CLINT1: variants seen among roughly 807,000 people sequenced by gnomAD.
CLINT1 encodes clathrin interactor 1.
Under a neutral mutation model 70.4 loss-of-function variants are expected in CLINT1, and 15 were observed. The observed-to-expected ratio is 0.21, with a 90% CI of 0.14 to 0.33. The LOEUF is 0.33. CLINT1 is among the 10% of genes least tolerant of loss of function. The probability of loss-of-function intolerance (pLI) is 1.00; values close to 1 mark genes in which losing one functional copy is unlikely to be tolerated. For missense variants in CLINT1, 615 were observed against 778.1 expected, an observed-to-expected ratio of 0.79 and a Z score of 2.49; for synonymous variants, 227 against 254.7, an observed-to-expected ratio of 0.89 and a Z score of 1.04.
At chr5:157,800,517 T>C (rs1581483095) in intron 8 of CLINT1, among the ~76,000 whole-genome samples, 3 of 152,114 alleles carry the variant, frequency 2.0e-5, no homozygotes, top group Admixed American at 2.0e-4. Flanking sequence ...AATATTTAAA[T>C]AGAGATTGGG....
In CLINT1 at chr5:157,809,711, C is replaced by G. The variant is rs73310973; in HGVS notation, c.612G>C (p.Leu204=). ...AFPFSDKLGE[L]SDKIGSTIDD... is the part of the protein sequence containing the mutation. ...CAATTGTGCTTCCAATTTTATCACT[C>G]AGCTCACCTAATTTATCACTGAATG... Residue 204 remains leucine, a synonymous_variant, in exon 6 of 12, where the codon CTG becomes CTC. Coordinates refer to ENST00000411809, the MANE Select transcript of CLINT1 (RefSeq NM_014666.4). 5.4e-3 allele frequency: 8,688 copies of G among 1,613,332 alleles called. 401 individuals are homozygous for G. The African/African-American group carries it at 0.1, about 19-fold the overall frequency.
chr5:157,799,550 C>T (rs529825330), intron 8 of CLINT1, among the ~76,000 whole-genome samples: 9 of 151,934 alleles, frequency 5.9e-5, no homozygotes, highest in Non-Finnish European at 1.3e-4. Context: ...TCTAGTTTAA[C>T]AGTATGTTAA....
chr5:157,810,761 G>A (rs909344690), intron 5 of CLINT1, among the ~76,000 whole-genome samples: 1 of 152,156 alleles, frequency 6.6e-6, no homozygotes, highest in Non-Finnish European at 1.5e-5. Flanking sequence ...ATTAAGGCAG[G>A]TTGGAAGAAA....
rs1581490274 is a variant in CLINT1 at position 157,805,795 on chromosome 5, A to C, written c.942+71T>G. 7.7e-6 allele frequency: 12 copies of C among 1,565,558 alleles called. 1 individual carries two copies. ...TTGCCTAGAAATGCCCAAGCCTACT[A>C]ATGCAGGAATTCGAAGAGCGGTTTA... On this transcript the variant is annotated intron_variant, in intron 7 of 11. Transcript: ENST00000411809.
chr5:157,837,231 G>A (rs774082125), intron 1 of CLINT1, among the ~76,000 whole-genome samples: 1 of 152,248 alleles, frequency 6.6e-6, no homozygotes, highest in Admixed American at 6.5e-5. Flanking sequence ...GAGAGACCCT[G>A]CCTCTACAAA....
intron 1 of CLINT1, among the ~76,000 whole-genome samples, chr5:157,836,739 ACTTT>A (rs1251567397): frequency 6.6e-6 from 1 of 152,160 alleles, no homozygotes; most frequent in African/African-American, 2.4e-5. Context: ...CTCCTGGAAC[ACTTT>A]CTTTCACTTT....
chr5:157,812,385 C>A (rs913716542), intron 5 of CLINT1, among the ~76,000 whole-genome samples: 1 of 152,106 alleles, frequency 6.6e-6, no homozygotes, highest in Admixed American at 6.5e-5. Context: ...AGGGACATGC[C>A]GTGAAAGACA....
At chr5:157,838,988 A>T (rs1392947389) in intron 1 of CLINT1, among the ~76,000 whole-genome samples, 1 of 152,210 alleles carries the variant, frequency 6.6e-6, no homozygotes, top group Non-Finnish European at 1.5e-5. Context: ...TAATCCCAGC[A>T]CTTTGGGAGG....
chr5:157,821,017 T>C (rs566815624), intron 1 of CLINT1, among the ~76,000 whole-genome samples: 4 of 152,296 alleles, frequency 2.6e-5, no homozygotes, highest in African/African-American at 9.6e-5. Context: ...CAATCCTAAA[T>C]TGAGATTCCT....
intron 1 of CLINT1, among the ~76,000 whole-genome samples, chr5:157,849,096 C>G (rs1040167587): frequency 6.6e-6 from 1 of 152,206 alleles, no homozygotes; most frequent in Non-Finnish European, 1.5e-5. Context: ...CCACGCCCAG[C>G]CTGACTCCAA....
rs191076213 is a variant in CLINT1 at position 157,840,376 on chromosome 5, G to C, written c.41+18554C>G. Among the ~76,000 whole-genome samples the C allele has an allele frequency of 3.6e-3, 549 of 151,950 alleles. 2 individuals are homozygous for C. The highest frequency in any genetic ancestry group is 0.017 in the Middle Eastern group (5 of 294). ...ATGACAATTAATTAAATGAAATCCTGGAATGGGACAACTGACAAAACTGGA... is the reference window on the plus strand; with the variant it reads ...ATGACAATTAATTAAATGAAATCCTCGAATGGGACAACTGACAAAACTGGA... On this transcript the variant is annotated intron_variant, in intron 1 of 11. Transcript: ENST00000411809.
intron 1 of CLINT1, among the ~76,000 whole-genome samples, chr5:157,831,063 A>C (rs72814519): frequency 0.12 from 18,600 of 149,294 alleles, 1,318 homozygotes; most frequent in Non-Finnish European, 0.18. Context: ...AACAAACAAA[A>C]AAAAGTTTAA....
rs754727271 is a variant in CLINT1, at chr5:157,789,474, G to A, written c.1420C>T (p.Pro474Ser). 6.2e-7 allele frequency: 1 copy of A among 1,613,872 alleles called. No individual in the cohort carries two copies. Among genetic ancestry groups the A allele is most frequent in the South Asian group, 1.1e-5 (1 of 91,076 alleles). Reference sequence around the variant, plus strand: ...ACACTGGGGTCAGACCAAGTAGAGGGCAAGGTTTTGCTGACTGATTTCTGG... The same window carrying A: ...ACACTGGGGTCAGACCAAGTAGAGGACAAGGTTTTGCTGACTGATTTCTGG... ...MVQKSVSKTL[P>S]STWSDPSVNI... is the part of the protein sequence containing the mutation. The change falls in exon 11 of 12, where the codon CCC becomes TCC. Residue 474 changes from proline to serine, a missense_variant. Physicochemically the swap from Pro to Ser is moderately conservative, Grantham distance 74. Coordinates refer to ENST00000411809, the MANE Select transcript of CLINT1 (RefSeq NM_014666.4).
At position 157,791,780 on chromosome 5, in the gene CLINT1, T is replaced by G. The variant is rs1761915307; in HGVS notation, c.1303A>C (p.Thr435Pro). The G allele has an allele frequency of 6.2e-7, 1 of 1,613,880 alleles. No homozygotes were observed. The highest frequency in any genetic ancestry group is 1.3e-5 in the African/African-American group (1 of 74,934). ...GAGAAATTCATACTCTGGGAAGATG[T>G]CATGGTTGCCTGGGACGAGCCCATA... ...DLMGSSQATMTSSQSMNFSMM... is the reference protein window; with the variant it reads ...DLMGSSQATMPSSQSMNFSMM... The change falls in exon 10 of 12, where the codon ACA (threonine) becomes CCA (proline). Residue 435 changes from threonine (T) to proline (P), a missense_variant. Thr to Pro is a conservative substitution (Grantham distance 38). Transcript: ENST00000411809.
intron 11 of CLINT1, 143 bp downstream of exon 11, chr5:157,789,220 G>A (rs1022137764): frequency 8.2e-5 from 59 of 719,334 alleles, no homozygotes; most frequent in African/African-American, 4.8e-4. Context: ...TAAATATTAT[G>A]TGAAAATATC....
At chr5:157,818,281 T>C (rs985787034) in intron 1 of CLINT1, among the ~76,000 whole-genome samples, 8 of 152,026 alleles carry the variant, frequency 5.3e-5, no homozygotes, top group African/African-American at 1.9e-4. Context: ...CAAAATTATT[T>C]TAATTATCTT....
chr5:157,795,005 A>G, intron 8 of CLINT1, 33 bp from the exon 9 acceptor site: 2 of 1,511,304 alleles, frequency 1.3e-6, no homozygotes, highest in Non-Finnish European at 1.8e-6. Context: ...AACTGTTAGA[A>G]CTAGAGAAAA....
chr5:157,796,837 G>A (rs765221310), intron 8 of CLINT1, among the ~76,000 whole-genome samples: 3 of 151,892 alleles, frequency 2.0e-5, no homozygotes, highest in Admixed American at 6.6e-5. Flanking sequence ...CTAGCAGCAG[G>A]CATAACTAAT....
chr5:157,796,542 C>T (rs552689680), intron 8 of CLINT1, among the ~76,000 whole-genome samples: 5 of 152,308 alleles, frequency 3.3e-5, no homozygotes, highest in Non-Finnish European at 7.4e-5. Flanking sequence ...ATATAGGTTA[C>T]ATCACAGCTG....
Sources: gnomAD v4.1 joint callset for allele counts (sites outside exome capture counted in the v4.1 genomes callset) on GRCh38, gnomAD v4.1.1 for gene constraint, MANE v1.5 for transcripts, NCBI Gene and HGNC (gene_info 2026-07-23, HGNC 2026-07-21) for gene names.